Variants in CHST11 observed in about 807,000 individuals in gnomAD.
CHST11 encodes the protein carbohydrate sulfotransferase 11, also known as C4S-1.
A neutral mutation model predicts 30.4 loss-of-function variants in CHST11; 9 were observed. The observed-to-expected ratio is 0.30, with a 90% CI of 0.18 to 0.52. CHST11 has a LOEUF of 0.52. Ranked by LOEUF, CHST11 falls within the 20% of genes least tolerant of loss-of-function variation. The pLI, the probability that CHST11 is intolerant of heterozygous loss-of-function variation, is 0.97. For synonymous variants in CHST11, 152 were observed against 187.8 expected, an observed-to-expected ratio of 0.81 and a Z score of 1.56; for missense variants, 348 against 460.6, an observed-to-expected ratio of 0.76 and a Z score of 2.24.
At chr12:104,596,347 A>G (rs1366561867) in intron 1 of CHST11, among the ~76,000 whole-genome samples, 2 of 152,228 alleles carry the variant, frequency 1.3e-5, no homozygotes, top group Non-Finnish European at 2.9e-5. Flanking sequence ...AGATTTGGAA[A>G]GTGTCCGAAG....
chr12:104,482,620 A>ACCAAATT (rs2037637545), intron 1 of CHST11, among the ~76,000 whole-genome samples: 1 of 152,032 alleles, frequency 6.6e-6, no homozygotes, highest in Non-Finnish European at 1.5e-5. Flanking sequence ...GCAAGGTAGG[A>ACCAAATT]GTTGTTGTAA....
chr12:104,720,145 G>A (rs1006665351), intron 2 of CHST11, among the ~76,000 whole-genome samples: 12 of 152,244 alleles, frequency 7.9e-5, no homozygotes, highest in Non-Finnish European at 1.2e-4. Context: ...CAAGAAGCAC[G>A]CTTCCTCCTG....
intron 1 of CHST11, among the ~76,000 whole-genome samples, chr12:104,555,787 C>T (rs1435021792): frequency 4.6e-5 from 7 of 152,244 alleles, no homozygotes; most frequent in Admixed American, 4.6e-4. Flanking sequence ...ACAGCTTGTC[C>T]CTGAGGCAGC....
At chr12:104,558,778 A>T (rs1157555441) in intron 1 of CHST11, among the ~76,000 whole-genome samples, 1 of 151,932 alleles carries the variant, frequency 6.6e-6, no homozygotes, top group Admixed American at 6.6e-5. Context: ...ACCTCAAGTG[A>T]TCTGCCCACG....
intron 2 of CHST11, among the ~76,000 whole-genome samples, chr12:104,663,414 A>G (rs2039614659): frequency 6.6e-6 from 1 of 152,258 alleles, no homozygotes; most frequent in African/African-American, 2.4e-5. Flanking sequence ...TGAATAAGGT[A>G]AAAATCACCA....
At chr12:104,694,084 T>TTATC (rs1414744447) in intron 2 of CHST11, among the ~76,000 whole-genome samples, 1 of 152,130 alleles carries the variant, frequency 6.6e-6, no homozygotes, top group East Asian at 1.9e-4. Context: ...GCCCGCACAT[T>TTATC]TATCTCAAAG....
intron 2 of CHST11, among the ~76,000 whole-genome samples, chr12:104,724,886 C>T (rs2040204974): frequency 6.6e-6 from 1 of 152,114 alleles, no homozygotes; most frequent in Non-Finnish European, 1.5e-5. Flanking sequence ...TAGGGACATA[C>T]TCATACTAAA....
intron 1 of CHST11, among the ~76,000 whole-genome samples, chr12:104,589,471 G>GAC (rs1242498094): frequency 6.6e-6 from 1 of 151,974 alleles, no homozygotes; most frequent in Non-Finnish European, 1.5e-5. Context: ...GGACAAGAGA[G>GAC]ACGGGAATGG....
At chr12:104,586,925 G>A (rs978191013) in intron 1 of CHST11, among the ~76,000 whole-genome samples, 2 of 152,132 alleles carry the variant, frequency 1.3e-5, no homozygotes, top group African/African-American at 2.4e-5. Context: ...TCAATTCCTT[G>A]AACTGCGTTT....
chr12:104,710,996 T>C (rs1456145321), intron 2 of CHST11, among the ~76,000 whole-genome samples: 5 of 152,236 alleles, frequency 3.3e-5, no homozygotes, highest in Non-Finnish European at 5.9e-5. Flanking sequence ...CCAGGACCTC[T>C]TTTGGATCGA....
At chr12:104,622,470 A>C (rs2039169338) in intron 2 of CHST11, among the ~76,000 whole-genome samples, 1 of 152,218 alleles carries the variant, frequency 6.6e-6, no homozygotes, top group Non-Finnish European at 1.5e-5. Flanking sequence ...AGCTTCATTG[A>C]AACTCACAAT....
At chr12:104,556,403 C>A (rs887873676) in intron 1 of CHST11, among the ~76,000 whole-genome samples, 1 of 152,166 alleles carries the variant, frequency 6.6e-6, no homozygotes, top group African/African-American at 2.4e-5. Flanking sequence ...GGCTGCCATA[C>A]AAATTCTCAT....
intron 1 of CHST11, among the ~76,000 whole-genome samples, chr12:104,564,609 C>T (rs554017890): frequency 2.0e-5 from 3 of 152,324 alleles, no homozygotes; most frequent in Admixed American, 2.0e-4. Context: ...GCCTAGTTCC[C>T]TCCCAATATT....
chr12:104,702,201 C>T (rs1010223043), intron 2 of CHST11, among the ~76,000 whole-genome samples: 2 of 152,214 alleles, frequency 1.3e-5, no homozygotes, highest in Admixed American at 6.5e-5. Flanking sequence ...TTGCCCATTT[C>T]AAAGAAATCC....
At chr12:104,537,050 G>C (rs1277185918) in intron 1 of CHST11, among the ~76,000 whole-genome samples, 1 of 152,214 alleles carries the variant, frequency 6.6e-6, no homozygotes, top group Non-Finnish European at 1.5e-5. Flanking sequence ...GTTCAGGCAT[G>C]TGCATGGCTG....
In CHST11 at chr12:104,457,052, A is replaced by C; in HGVS notation, c.-360A>C. On this transcript the variant is annotated 5_prime_UTR_variant, in exon 1 of 3. Transcript: ENST00000303694. Reference sequence around the variant, plus strand: ...GTCGGACAGCCACAGCGGCCAGCGCAGCGGCAGCGGCGGCGGCACCACCAT... The same window carrying C: ...GTCGGACAGCCACAGCGGCCAGCGCCGCGGCAGCGGCGGCGGCACCACCAT... 1 of 179,760 alleles carries C rather than the reference A, an allele frequency of 5.6e-6. No homozygotes were observed. The highest frequency in any genetic ancestry group is 1.2e-5 in the Non-Finnish European group (1 of 86,828). 11.1% of individuals were successfully genotyped at this position (179,760 alleles called of 1,614,324 possible).
At chr12:104,691,258 G>C (rs1320719399) in intron 2 of CHST11, among the ~76,000 whole-genome samples, 1 of 152,164 alleles carries the variant, frequency 6.6e-6, no homozygotes, top group Admixed American at 6.6e-5. Flanking sequence ...TGGGCTGTGA[G>C]GATGTGATGT....
intron 1 of CHST11, among the ~76,000 whole-genome samples, chr12:104,580,030 G>T (rs1345528071): frequency 6.6e-6 from 1 of 152,166 alleles, no homozygotes; most frequent in Non-Finnish European, 1.5e-5. Flanking sequence ...TAAGTTACCA[G>T]TCCCTTTTAT....
chr12:104,499,256 A>G (rs1209726159), intron 1 of CHST11, among the ~76,000 whole-genome samples: 1 of 152,182 alleles, frequency 6.6e-6, no homozygotes, highest in African/African-American at 2.4e-5. Context: ...CTTTCTGTTG[A>G]GGCCAAGGGG....
Sources: gnomAD v4.1 joint callset for allele counts (sites outside exome capture counted in the v4.1 genomes callset) on GRCh38, gnomAD v4.1.1 for gene constraint, MANE v1.5 for transcripts, NCBI Gene and HGNC (gene_info 2026-07-23, HGNC 2026-07-21) for gene names.